The following NCKAP5 variants were observed in gnomAD, a reference collection of about 807,000 sequenced individuals.
The protein encoded by NCKAP5 is NCK associated protein 5.
NCKAP5 carries 92 observed loss-of-function variants against 167.0 expected under a neutral mutation model. The ratio of observed to expected loss-of-function variants is 0.55; its 90% CI spans 0.47 to 0.66. The LOEUF (loss-of-function observed/expected upper bound fraction) is 0.66, where lower values mean the gene tolerates loss of function less well. Among genes scored for constraint, NCKAP5 ranks in the 30% least tolerant of loss-of-function variants. The pLI, the probability that NCKAP5 is intolerant of heterozygous loss-of-function variation, is 0.00. For synonymous variants in NCKAP5, 891 were observed against 877.4 expected (o/e 1.02, Z -0.27); for missense variants, 2,378 against 2,315.0 (o/e 1.03, Z -0.56).
In NCKAP5 at chr2:132,790,091, T is replaced by C. The variant is rs771971782; in HGVS notation, c.1024A>G (p.Ser342Gly). The C allele has an allele frequency of 6.8e-6, 11 of 1,613,306 alleles. No individual in the cohort carries two copies. The highest frequency in any genetic ancestry group is 1.7e-5 in the Admixed American group (1 of 59,936). The change falls in exon 13 of 20, where the codon AGC (serine) becomes GGC (glycine). Residue 342 changes from serine (S) to glycine (G), a missense_variant. Physicochemically the swap from Ser to Gly is moderately conservative, Grantham distance 56. Around this residue, in one of 3 missense-constraint regions of NCKAP5, gnomAD observed 1,049 missense variants for 1,023.4 expected, o/e 1.02. Transcript: ENST00000409261. ...CCACTGGAGTACTCGCTGCAGGTGC[T>C]TGAAAGAGACAGTTCACTGCTGCTA... is the stretch of plus-strand genomic sequence containing the variant. The part of the protein sequence containing the change: ...YSSSSELSLS[S>G]TCSEYSSGSS...
chr2:133,468,670 G>C (rs182930271), intron 3 of NCKAP5, among the ~76,000 whole-genome samples: 1,873 of 152,188 alleles, frequency 0.012, 45 homozygotes, highest in African/African-American at 0.038. Flanking sequence ...TCACTCAGGA[G>C]TTGCTTTATG....
At chr2:132,709,016 T>C (rs957111673) in intron 19 of NCKAP5, among the ~76,000 whole-genome samples, 1 of 152,144 alleles carries the variant, frequency 6.6e-6, no homozygotes, top group Non-Finnish European at 1.5e-5. Context: ...TTATTATTAC[T>C]GTTATATAAA....
In NCKAP5 at chr2:133,097,570, G is replaced by A. The variant is rs188972873; in HGVS notation, c.341+32408C>T. Among the ~76,000 whole-genome samples, 27 of 152,208 alleles carry A rather than the reference G, an allele frequency of 1.8e-4. No individual in the cohort carries two copies. The East Asian group carries it at 5.0e-3, about 28-fold the overall frequency. ...TTCTTGATCGTCAGAACCTTTACTC[G>A]GGATTCAATAAGAAAGAAAGGAAAA... On this transcript the variant is annotated intron_variant, in intron 6 of 19. Coordinates refer to ENST00000409261, the MANE Select transcript of NCKAP5 (RefSeq NM_207363.3).
At chr2:133,665,206 C>T in the NCKAP5 span, among the ~76,000 whole-genome samples, 11 of 152,340 alleles carry the variant, frequency 7.2e-5, no homozygotes, top group East Asian at 1.9e-4. Flanking sequence ...GCATTCACAA[C>T]GTGGCTAACT....
intron 8 of NCKAP5, among the ~76,000 whole-genome samples, chr2:132,893,310 C>A (rs1692875769): frequency 1.3e-5 from 2 of 152,206 alleles, no homozygotes; most frequent in African/African-American, 4.8e-5. Context: ...CTAGGTATAA[C>A]CCCTGTAGGT....
At chr2:133,545,257 T>C (rs1426827939) in intron 2 of NCKAP5, among the ~76,000 whole-genome samples, 2 of 152,136 alleles carry the variant, frequency 1.3e-5, no homozygotes, top group Non-Finnish European at 2.9e-5. Context: ...CTTGGCAAGA[T>C]TGCCTGCCTA....
the NCKAP5 span, among the ~76,000 whole-genome samples, chr2:133,577,798 G>A: frequency 1.2e-4 from 19 of 152,180 alleles, no homozygotes; most frequent in South Asian, 3.9e-3. Context: ...AGTACTGCAG[G>A]AACCATCCAG....
chr2:133,642,965 A>G, the NCKAP5 span, among the ~76,000 whole-genome samples: 1 of 152,102 alleles, frequency 6.6e-6, no homozygotes, highest in Non-Finnish European at 1.5e-5. Flanking sequence ...GAAGAATGCC[A>G]TCATTGCAAT....
chr2:133,035,110 G>A (rs1573817708), intron 6 of NCKAP5, among the ~76,000 whole-genome samples: 1 of 152,086 alleles, frequency 6.6e-6, no homozygotes, highest in East Asian at 1.9e-4. Flanking sequence ...AGCAGGAGTT[G>A]CTATACTTCT....
intron 5 of NCKAP5, among the ~76,000 whole-genome samples, 158 bp from the exon 6 acceptor site, chr2:133,130,269 C>A (rs189570428): frequency 6.6e-6 from 1 of 152,112 alleles, no homozygotes; most frequent in South Asian, 2.1e-4. Flanking sequence ...TTGTTATAGA[C>A]AACGAAACCA....
intron 6 of NCKAP5, among the ~76,000 whole-genome samples, chr2:133,024,560 A>C (rs1019752964): frequency 3.3e-5 from 5 of 152,248 alleles, no homozygotes; most frequent in African/African-American, 4.8e-5. Context: ...TATTTAGTAC[A>C]CTAAATGTAG....
intron 8 of NCKAP5, among the ~76,000 whole-genome samples, chr2:132,905,763 T>A (rs1347318581): frequency 6.6e-6 from 1 of 152,244 alleles, no homozygotes; most frequent in Non-Finnish European, 1.5e-5. Context: ...AGAAAACTAC[T>A]GATTTTTATA....
At chr2:132,915,005 A>T (rs948274475) in intron 8 of NCKAP5, among the ~76,000 whole-genome samples, 40 of 151,884 alleles carry the variant, frequency 2.6e-4, no homozygotes, top group African/African-American at 9.4e-4. Flanking sequence ...AAAAAAAAAA[A>T]ATGCCTATTG....
In NCKAP5 at chr2:132,920,746, T is replaced by C. The variant is rs1457166906; in HGVS notation, c.580-41830A>G. On this transcript the variant is annotated intron_variant, in intron 8 of 19. Transcript: ENST00000409261. Reference sequence around the variant, plus strand: ...ATATATATATATGTATATATATGTGTATATATATATGTATATATATGTATG... The same window carrying C: ...ATATATATATATGTATATATATGTGCATATATATATGTATATATATGTATG... Among the ~76,000 whole-genome samples the C allele has an allele frequency of 7.2e-4, 69 of 95,678 alleles. 4 individuals carry two copies. The East Asian group carries it at 0.018, about 24-fold the overall frequency. The allele number at this position is 95,678 out of a possible 152,430, so 62.8% of individuals were successfully genotyped here.
chr2:132,855,144 G>A (rs1322710828), intron 11 of NCKAP5, among the ~76,000 whole-genome samples: 1 of 152,118 alleles, frequency 6.6e-6, no homozygotes, highest in African/African-American at 2.4e-5. Context: ...TTGCTCTGCA[G>A]GAACTGTGTG....
At chr2:132,998,605 T>C (rs2077679784) in intron 6 of NCKAP5, among the ~76,000 whole-genome samples, 1 of 152,244 alleles carries the variant, frequency 6.6e-6, no homozygotes, top group Admixed American at 6.5e-5. Flanking sequence ...TGACATCTTT[T>C]TTTAAAAATT....
intron 3 of NCKAP5, among the ~76,000 whole-genome samples, chr2:133,468,206 TTG>T (rs1692749729): frequency 7.1e-6 from 1 of 139,994 alleles, no homozygotes. Flanking sequence ...TTCTGGTATA[TTG>T]TGTCTTTGTT....
At chr2:132,868,844 A>G in intron 10 of NCKAP5, 92 bp downstream of exon 10, 3 of 869,498 alleles carry the variant, frequency 3.5e-6, no homozygotes, top group Non-Finnish European at 5.1e-6. Context: ...GAAGTATTGC[A>G]TCTATCAATC....
intron 4 of NCKAP5, among the ~76,000 whole-genome samples, chr2:133,249,279 A>G (rs1386064842): frequency 6.6e-6 from 1 of 152,174 alleles, no homozygotes; most frequent in African/African-American, 2.4e-5. Flanking sequence ...AAGGAACTCG[A>G]AAGAGTCAAA....
Sources: allele counts gnomAD v4.1 joint callset (sites outside exome capture counted in the v4.1 genomes callset), GRCh38; gene constraint gnomAD v4.1.1; regional missense constraint gnomAD v4.1.1; transcripts MANE v1.5; gene names NCBI Gene and HGNC (gene_info 2026-07-23, HGNC 2026-07-21).